Variants in FRAS1 observed in about 807,000 individuals in gnomAD.
FRAS1 encodes the protein Fraser extracellular matrix complex subunit 1, also known as extracellular matrix organizing protein FRAS1.
In FRAS1, 290 loss-of-function variants were observed where a neutral mutation model predicts 435.2. The observed-to-expected ratio is 0.67, with a 90% CI of 0.61 to 0.73. The LOEUF is 0.73. Among genes scored for constraint, FRAS1 ranks in the 30% least tolerant of loss-of-function variants. FRAS1 has a pLI of 0.00. For synonymous variants in FRAS1, 1,800 were observed against 1,851.0 expected (o/e 0.97, Z 0.71); for missense variants, 4,860 against 5,001.5 (o/e 0.97, Z 0.85).
chr4:78,456,992 T>G (rs1719222429), intron 47 of FRAS1, among the ~76,000 whole-genome samples: 1 of 152,188 alleles, frequency 6.6e-6, no homozygotes, highest in South Asian at 2.1e-4. Flanking sequence ...ATTCAGAAGT[T>G]AGGTAGTTGC....
At chr4:78,105,559 A>G (rs1296664195) in intron 2 of FRAS1, among the ~76,000 whole-genome samples, 2 of 152,148 alleles carry the variant, frequency 1.3e-5, no homozygotes, top group Non-Finnish European at 2.9e-5. Context: ...ACCGATACGA[A>G]TTCTCTTTTG....
chr4:78,098,652 A>G (rs939624052), intron 2 of FRAS1, among the ~76,000 whole-genome samples: 1 of 152,144 alleles, frequency 6.6e-6, no homozygotes, highest in African/African-American at 2.4e-5. Flanking sequence ...GAAAGTTAGG[A>G]TATATATAAT....
chr4:78,112,418 A>G (rs918119865), intron 2 of FRAS1, among the ~76,000 whole-genome samples: 4 of 152,066 alleles, frequency 2.6e-5, no homozygotes, highest in Non-Finnish European at 5.9e-5. Flanking sequence ...ATTATTTTTT[A>G]TCTTGGTAGT....
At chr4:78,250,744 G>A (rs1046408995) in intron 4 of FRAS1, among the ~76,000 whole-genome samples, 8 of 152,294 alleles carry the variant, frequency 5.3e-5, no homozygotes, top group East Asian at 1.9e-4. Flanking sequence ...CGTGAGGGAA[G>A]GCTTTGTGTG....
At chr4:78,112,770 G>T (rs1256593738) in intron 2 of FRAS1, among the ~76,000 whole-genome samples, 2 of 151,652 alleles carry the variant, frequency 1.3e-5, no homozygotes, top group Non-Finnish European at 2.9e-5. Context: ...AGCTATGTCA[G>T]CAAGTTAAGG....
At chr4:78,118,645 G>T (rs954482285) in intron 2 of FRAS1, among the ~76,000 whole-genome samples, 1 of 152,166 alleles carries the variant, frequency 6.6e-6, no homozygotes, top group Admixed American at 6.5e-5. Flanking sequence ...CTCCTGGTGT[G>T]CCATTTGCTA....
intron 50 of FRAS1, among the ~76,000 whole-genome samples, chr4:78,469,209 G>C (rs1719630482): frequency 1.3e-5 from 2 of 152,180 alleles, no homozygotes; most frequent in Non-Finnish European, 2.9e-5. Context: ...TTTAAAAAAT[G>C]GAAATTATTT....
rs139975328 is a variant in FRAS1, at chr4:78,449,538, G to A, written c.6275-613G>A. On this transcript the variant is annotated intron_variant, in intron 44 of 73. Transcript: ENST00000512123. ...TTTACTATTTTTAACATGATAAAGC[G>A]GCTGGGTAATAAAGCAAGTGACAAG... Among the ~76,000 whole-genome samples, 15 of 152,174 alleles carry A rather than the reference G, an allele frequency of 9.9e-5. No homozygotes were observed. The East Asian group carries it at 2.7e-3, about 27-fold the overall frequency.
intron 40 of FRAS1, among the ~76,000 whole-genome samples, chr4:78,439,962 C>G (rs1234661283): frequency 6.6e-6 from 1 of 151,198 alleles, no homozygotes; most frequent in South Asian, 2.1e-4. Flanking sequence ...GCCAAAAGCT[C>G]AGGAATTTTT....
At chr4:78,419,425 A>C (rs1292371677) in intron 33 of FRAS1, among the ~76,000 whole-genome samples, 1 of 152,194 alleles carries the variant, frequency 6.6e-6, no homozygotes, top group East Asian at 1.9e-4. Flanking sequence ...TGACAGGAGA[A>C]AGGACAAAAA....
intron 18 of FRAS1, among the ~76,000 whole-genome samples, chr4:78,331,331 G>A (rs1016480202): frequency 6.6e-6 from 1 of 152,158 alleles, no homozygotes; most frequent in Non-Finnish European, 1.5e-5. Context: ...CCTCAGTTCA[G>A]GAGCAGAGTC....
intron 2 of FRAS1, among the ~76,000 whole-genome samples, chr4:78,211,470 C>T (rs530345549): frequency 6.6e-6 from 1 of 152,288 alleles, no homozygotes; most frequent in South Asian, 2.1e-4. Context: ...CTTATGTGCT[C>T]ATTGGGCTAA....
rs750928707 is a variant in FRAS1, at chr4:78,448,218, G to T, written c.6176G>T (p.Gly2059Val). Residue 2059 changes from glycine to valine, a missense_variant, in exon 44 of 74, where the codon GGC becomes GTC. Transcript: ENST00000512123. ...VDEFQFSLTD[G>V]LHVDTGRMKI... ...GAGTTCCAGTTCTCCCTCACTGATG[G>T]CCTCCACGTGGACACAGGGAGGATG... 9.9e-6 allele frequency: 16 copies of T among 1,612,420 alleles called. No individual in the cohort carries two copies. The highest frequency in any genetic ancestry group is 1.3e-5 in the African/African-American group (1 of 74,676).
intron 2 of FRAS1, among the ~76,000 whole-genome samples, chr4:78,073,592 T>A (rs1201398118): frequency 6.6e-6 from 1 of 152,224 alleles, no homozygotes; most frequent in African/African-American, 2.4e-5. Context: ...TTCTATGTGA[T>A]ACATTTATAT....
chr4:78,200,902 CGTAT>C (rs1328457072), intron 2 of FRAS1, among the ~76,000 whole-genome samples: 2 of 91,058 alleles, frequency 2.2e-5, no homozygotes, highest in African/African-American at 6.6e-5. Context: ...TATATAAATA[CGTAT>C]ATATATATAT....
chr4:78,198,049 T>C (rs1180704291), intron 2 of FRAS1, among the ~76,000 whole-genome samples: 1 of 152,138 alleles, frequency 6.6e-6, no homozygotes, highest in Non-Finnish European at 1.5e-5. Context: ...TGATTTCAGC[T>C]CTTTATTTTG....
chr4:78,113,784 G>A (rs555317340), intron 2 of FRAS1, among the ~76,000 whole-genome samples: 1 of 152,030 alleles, frequency 6.6e-6, no homozygotes, highest in Non-Finnish European at 1.5e-5. Flanking sequence ...AGGTTGCCTG[G>A]TCTCTCTGAT....
At chr4:78,237,997 G>T (rs1724834965) in intron 3 of FRAS1, among the ~76,000 whole-genome samples, 1 of 152,116 alleles carries the variant, frequency 6.6e-6, no homozygotes, top group Non-Finnish European at 1.5e-5. Flanking sequence ...ATAAACTGCT[G>T]CCCAGAGATT....
chr4:78,439,539 T>C (rs925291335), intron 40 of FRAS1, among the ~76,000 whole-genome samples: 3 of 152,248 alleles, frequency 2.0e-5, no homozygotes, highest in Non-Finnish European at 4.4e-5. Context: ...GCCAGTTCTG[T>C]GACTCATCAG....
Sources: allele counts gnomAD v4.1 joint callset (sites outside exome capture counted in the v4.1 genomes callset), GRCh38; gene constraint gnomAD v4.1.1; transcripts MANE v1.5; gene names NCBI Gene and HGNC (gene_info 2026-07-23, HGNC 2026-07-21).